Variants in HNRNPA2B1 observed in about 807,000 individuals in gnomAD.
HNRNPA2B1 encodes heterogeneous nuclear ribonucleoprotein A2/B1.
A neutral mutation model predicts 46.3 loss-of-function variants in HNRNPA2B1; 3 were observed. The ratio of observed to expected loss-of-function variants is 0.06; its 90% CI spans 0.03 to 0.17. HNRNPA2B1 has a LOEUF of 0.17. Among genes scored for constraint, HNRNPA2B1 ranks in the 10% least tolerant of loss-of-function variants. HNRNPA2B1 has a pLI of 1.00. For synonymous variants in HNRNPA2B1, 225 were observed against 133.8 expected (o/e 1.68, Z -4.70); for missense variants, 221 against 418.9 (o/e 0.53, Z 4.12).
Position 26,193,888 on chromosome 7 carries a change from A to C in HNRNPA2B1, c.722-194T>G, listed in dbSNP as rs116376035. ...CTGGGGTTACTCAGCCAAATGGATA[A>C]CACCATGTGCACACAGTTAAATACC... On this transcript the variant is annotated intron_variant, in intron 7 of 10. Coordinates refer to ENST00000618183, the MANE Select transcript of HNRNPA2B1 (RefSeq NM_002137.4). 5.5e-3 allele frequency among the ~76,000 whole-genome samples: 839 copies of C among 152,350 alleles called. 6 individuals are homozygous for C. The highest frequency in any genetic ancestry group is 0.019 in the African/African-American group (806 of 41,580).
In HNRNPA2B1 at chr7:26,192,571, T is replaced by C. The variant is rs1193919522; in HGVS notation, c.971A>G (p.Tyr324Cys). ...NMGGPYGGGN[Y>C]GPGGSGGSGG... The stretch of plus-strand genomic sequence containing the variant: ...ACTTCCTCCACTGCCTCCTGGACCA[T>C]AGTTTCCTATAATTGTTGGAACAGC... The change falls in exon 10 of 11, where the codon TAT (tyrosine) becomes TGT (cysteine). Residue 324 changes from tyrosine to cysteine, a missense_variant. Tyr to Cys is a radical substitution (Grantham distance 194, BLOSUM62 -2). Around this residue, in one of 2 missense-constraint regions of HNRNPA2B1, gnomAD observed 143 missense variants for 200.5 expected, o/e 0.71. Transcript: ENST00000618183. The C allele has an allele frequency of 1.5e-5, 25 of 1,613,854 alleles. No individual in the cohort carries two copies. Among genetic ancestry groups the C allele is most frequent in the Non-Finnish European group, 1.9e-5 (22 of 1,179,726 alleles).
In HNRNPA2B1 at chr7:26,197,712, A is replaced by G. The variant is rs762387902; in HGVS notation, c.27T>C (p.Arg9=). Residue 9 remains arginine (R), a synonymous_variant, in exon 2 of 11, where the codon CGT becomes CGC. Transcript: ENST00000618183. ...AGCTTAAGCCACCAATAAAGAGCTT[A>G]CGGAACTGTTCCTTTTCTCTCTGCA... MEREKEQF[R]KLFIGGLSFE... The G allele has an allele frequency of 6.2e-7, 1 of 1,613,812 alleles. No homozygotes were observed. The highest frequency in any genetic ancestry group is 1.1e-5 in the South Asian group (1 of 91,044).
At position 26,200,567 on chromosome 7, in the gene HNRNPA2B1, G is replaced by A. The variant is rs1784320899; in HGVS notation, c.6+5C>T. ...TCAATAACTCATTGATTTCAAACCC[G>A]TTACCTCCATCGCGGACTCAGTCGC... On this transcript the variant is annotated splice_donor_5th_base_variant and intron_variant, in intron 1 of 10. Transcript: ENST00000618183. 6.2e-7 allele frequency: 1 copy of A among 1,613,290 alleles called. No individual in the cohort carries two copies.
chr7:26,193,773 G>A (rs2128111056), intron 7 of HNRNPA2B1, 79 bp from the exon 8 acceptor site: 3 of 1,208,632 alleles, frequency 2.5e-6, no homozygotes, highest in South Asian at 1.3e-5. Context: ...TCCATTTCCA[G>A]CTTTCCAAGT....
chr7:26,195,219 T>A (rs1783423217), intron 7 of HNRNPA2B1, among the ~76,000 whole-genome samples: 1 of 150,720 alleles, frequency 6.6e-6, no homozygotes, highest in South Asian at 2.1e-4. Flanking sequence ...AGTAGAACAG[T>A]GAGATACACT....
At position 26,192,762 on chromosome 7, in the gene HNRNPA2B1, C is replaced by T. The variant is rs546429424; in HGVS notation, c.965-185G>A. ...CTCGGGTTCATAGACATTTTTATTT[C>T]GTGGCTGACCCTATTCTTTTAAATA... On this transcript the variant is annotated intron_variant, in intron 9 of 10. Transcript: ENST00000618183. Among the ~76,000 whole-genome samples, 5 of 152,308 alleles carry T rather than the reference C, an allele frequency of 3.3e-5. No homozygotes were observed. The South Asian group carries it at 8.3e-4, about 25-fold the overall frequency.
intron 1 of HNRNPA2B1, chr7:26,200,141 G>C (rs942630292): frequency 4.8e-6 from 1 of 210,024 alleles, no homozygotes; most frequent in South Asian, 7.8e-5. Flanking sequence ...GAAAATGGCG[G>C]CCGCCAAATC....
Position 26,198,189 on chromosome 7 carries a change from A to C in HNRNPA2B1, c.7-457T>G, listed in dbSNP as rs915842825. The stretch of plus-strand genomic sequence containing the variant: ...CTCTTGGTTCATTACTTATGACCCA[A>C]AGTTTTTATTTCACTATTCAATATC... On this transcript the variant is annotated intron_variant, in intron 1 of 10. Coordinates refer to ENST00000618183, the MANE Select transcript of HNRNPA2B1 (RefSeq NM_002137.4). 3.6e-5 allele frequency: 8 copies of C among 221,334 alleles called. No homozygotes were observed. The East Asian group carries it at 3.8e-4, about 10-fold the overall frequency. The allele number at this position is 221,334 out of a possible 1,614,324, so 13.7% of individuals were successfully genotyped here.
At chr7:26,197,908 G>C in intron 1 of HNRNPA2B1, 176 bp from the exon 2 acceptor site, 3 of 1,477,368 alleles carry the variant, frequency 2.0e-6, no homozygotes, top group Non-Finnish European at 2.8e-6. Context: ...TAAACCATAT[G>C]TTAAACTGCA....
chr7:26,200,444 G>T, intron 1 of HNRNPA2B1, 128 bp downstream of exon 1: 2 of 908,032 alleles, frequency 2.2e-6, no homozygotes, highest in Non-Finnish European at 3.6e-6. Flanking sequence ...TAAACCTTAA[G>T]CCCCACTGCT....
chr7:26,196,489 A>C lies in HNRNPA2B1; in HGVS notation c.578-8T>G. The C allele has an allele frequency of 6.2e-7, 1 of 1,614,122 alleles. No homozygotes were observed. Among genetic ancestry groups the C allele is most frequent in the Non-Finnish European group, 8.5e-7 (1 of 1,179,964 alleles). On this transcript the variant is annotated splice_region_variant and splice_polypyrimidine_tract_variant and intron_variant, in intron 5 of 10. Coordinates refer to ENST00000618183, the MANE Select transcript of HNRNPA2B1 (RefSeq NM_002137.4). ...CCCCAAAGCCAAAGTTGCCTACAAT[A>C]AATGCCCCAGTTAGAAGCAAGCCCT...
chr7:26,200,109 C>G (rs886332900), intron 1 of HNRNPA2B1: 1 of 198,966 alleles, frequency 5.0e-6, no homozygotes, highest in Non-Finnish European at 1.1e-5. Flanking sequence ...ATAAGGAAAA[C>G]GCTGAGAGGA....
rs1782918702 is a variant in HNRNPA2B1 at position 26,191,506 on chromosome 7, A to T, written c.*854T>A. 6.6e-6 allele frequency: 1 copy of T among 152,198 alleles called. No homozygotes were observed. The highest frequency in any genetic ancestry group is 1.5e-5 in the Non-Finnish European group (1 of 68,022). 9.4% of individuals were successfully genotyped at this position (152,198 alleles called of 1,614,324 possible). ...CATCCTTATAAACTACTGTAGTTAA[A>T]GTTTTGTAGAAACAGCACAGTTTTT... On this transcript the variant is annotated 3_prime_UTR_variant, in exon 11 of 11. Coordinates refer to ENST00000618183, the MANE Select transcript of HNRNPA2B1 (RefSeq NM_002137.4).
At chr7:26,198,795 G>C (rs560817485) in intron 1 of HNRNPA2B1, 1 of 152,314 alleles carries the variant, frequency 6.6e-6, no homozygotes, top group South Asian at 2.1e-4. Context: ...AAACTAAAAA[G>C]TCACACGTAA....
At chr7:26,198,639 G>C (rs1783961479) in intron 1 of HNRNPA2B1, 1 of 152,228 alleles carries the variant, frequency 6.6e-6, no homozygotes, top group African/African-American at 2.4e-5. Context: ...AAACCTCAGA[G>C]CTGAAATCTT....
At chr7:26,194,496 C>T (rs938433130) in intron 7 of HNRNPA2B1, among the ~76,000 whole-genome samples, 2 of 151,612 alleles carry the variant, frequency 1.3e-5, no homozygotes, top group African/African-American at 2.4e-5. Flanking sequence ...CCCAGGAATT[C>T]AAGACCAGCC....
At chr7:26,194,728 T>C (rs760063292) in intron 7 of HNRNPA2B1, among the ~76,000 whole-genome samples, 1 of 151,588 alleles carries the variant, frequency 6.6e-6, no homozygotes, top group Non-Finnish European at 1.5e-5. Flanking sequence ...CCACACAGTA[T>C]GTTCTTTACT....
chr7:26,197,301 C>A lies in HNRNPA2B1; in HGVS notation c.264+14G>T. ...TCTTCATGTTAATGCACAAGACAGT[C>A]ATTGTTTGCTTACCTCTCTTGCTAC... On this transcript the variant is annotated intron_variant, in intron 3 of 10. Coordinates refer to ENST00000618183, the MANE Select transcript of HNRNPA2B1 (RefSeq NM_002137.4). 5 of 1,599,542 alleles carry A rather than the reference C, an allele frequency of 3.1e-6. No individual in the cohort carries two copies. The highest frequency in any genetic ancestry group is 4.3e-6 in the Non-Finnish European group (5 of 1,172,370).
chr7:26,193,823 T>G (rs1783182511), intron 7 of HNRNPA2B1, 129 bp from the exon 8 acceptor site: 2 of 811,644 alleles, frequency 2.5e-6, no homozygotes, highest in South Asian at 3.3e-5. Context: ...CTAAAATAGC[T>G]TCAAGGACTG....
Sources: allele counts gnomAD v4.1 joint callset (sites outside exome capture counted in the v4.1 genomes callset), GRCh38; gene constraint gnomAD v4.1.1; regional missense constraint gnomAD v4.1.1; transcripts MANE v1.5; gene names NCBI Gene and HGNC (gene_info 2026-07-23, HGNC 2026-07-21).